Variants in OSBPL1A observed in about 807,000 individuals in gnomAD.
OSBPL1A encodes the protein oxysterol binding protein like 1A.
OSBPL1A carries 80 observed loss-of-function variants against 137.1 expected under a neutral mutation model. The ratio of observed to expected loss-of-function variants is 0.58; its 90% CI spans 0.49 to 0.70. OSBPL1A has a LOEUF of 0.70. Ranked by LOEUF, OSBPL1A falls within the 30% of genes least tolerant of loss-of-function variation. The pLI is 0.00. For missense variants in OSBPL1A, 970 were observed against 1,129.4 expected (o/e 0.86, Z 2.02); for synonymous variants, 365 against 389.7 (o/e 0.94, Z 0.75).
At chr18:24,201,280 G>C (rs893562907) in intron 17 of OSBPL1A, among the ~76,000 whole-genome samples, 1 of 152,106 alleles carries the variant, frequency 6.6e-6, no homozygotes, top group Non-Finnish European at 1.5e-5. Context: ...TGATGCAAAC[G>C]GCTCCGCCTG....
intron 13 of OSBPL1A, among the ~76,000 whole-genome samples, chr18:24,307,093 A>C (rs1599643868): frequency 3.3e-5 from 1 of 30,076 alleles, no homozygotes; most frequent in African/African-American, 2.3e-4. Flanking sequence ...TAATCTCTAC[A>C]AAAAAAAAAA....
At chr18:24,220,809 T>C (rs2087864889) in intron 17 of OSBPL1A, among the ~76,000 whole-genome samples, 1 of 151,944 alleles carries the variant, frequency 6.6e-6, no homozygotes, top group Non-Finnish European at 1.5e-5. Flanking sequence ...TGAGATTTTG[T>C]TTTGTTTTGG....
At chr18:24,345,242 G>C (rs2957245) in intron 4 of OSBPL1A, among the ~76,000 whole-genome samples, 2 of 152,218 alleles carry the variant, frequency 1.3e-5, no homozygotes, top group African/African-American at 2.4e-5. Context: ...TCCTCCCAGA[G>C]AAGTAGTCAG....
chr18:24,262,392 GT>G (rs34727119), intron 15 of OSBPL1A, among the ~76,000 whole-genome samples: 16 of 149,200 alleles, frequency 1.1e-4, no homozygotes, highest in South Asian at 4.2e-4. Context: ...AAAATAAATA[GT>G]TTTTTTTTTT....
intron 1 of OSBPL1A, among the ~76,000 whole-genome samples, chr18:24,397,348 T>C (rs189461248): frequency 1.3e-5 from 2 of 151,992 alleles, no homozygotes; most frequent in Admixed American, 6.5e-5. Context: ...GAAGATCTGG[T>C]AGGGGATGCA....
At chr18:24,219,228 G>C (rs2087809541) in intron 17 of OSBPL1A, among the ~76,000 whole-genome samples, 1 of 152,148 alleles carries the variant, frequency 6.6e-6, no homozygotes, top group African/African-American at 2.4e-5. Flanking sequence ...AGGAGGTTGA[G>C]GCTGCAGTAA....
At chr18:24,237,440 G>T (rs1012528141) in intron 16 of OSBPL1A, among the ~76,000 whole-genome samples, 43 of 152,082 alleles carry the variant, frequency 2.8e-4, no homozygotes, top group Non-Finnish European at 5.4e-4. Flanking sequence ...GAGCAGCTGG[G>T]ATTACAGGCA....
At chr18:24,282,221 T>G (rs941651815) in intron 14 of OSBPL1A, among the ~76,000 whole-genome samples, 1 of 152,036 alleles carries the variant, frequency 6.6e-6, no homozygotes, top group African/African-American at 2.4e-5. Context: ...GGGTAATGTT[T>G]AAGAAAAACA....
chr18:24,272,294 T>A, intron 15 of OSBPL1A: 1 of 979,616 alleles, frequency 1.0e-6, no homozygotes, highest in Non-Finnish European at 1.2e-6. Flanking sequence ...CTTGGGAAAC[T>A]CTGGAAAGCA....
chr18:24,346,485 A>T (rs1488195867), intron 4 of OSBPL1A, among the ~76,000 whole-genome samples: 2 of 152,068 alleles, frequency 1.3e-5, no homozygotes. Flanking sequence ...CCCTCCTCAT[A>T]ATCCCCTAGT....
Position 24,380,943 on chromosome 18 carries a change from AT to A in OSBPL1A, c.-2-3409del, listed in dbSNP as rs375260656. Among the ~76,000 whole-genome samples, 261 of 136,726 alleles carry A rather than the reference AT, an allele frequency of 1.9e-3. 2 individuals carry two copies. The highest frequency in any genetic ancestry group is 0.014 in the Middle Eastern group (4 of 288). 89.7% of individuals were successfully genotyped at this position (136,726 alleles called of 152,430 possible). ...CTCCAGCCCGGGCAATAAGAGCAAA[AT>A]TCCATCTCAAAAAAAAAAAAAAAAG... On this transcript the variant is annotated intron_variant, in intron 1 of 27. Coordinates refer to ENST00000319481, the MANE Select transcript of OSBPL1A (RefSeq NM_080597.4).
intron 16 of OSBPL1A, among the ~76,000 whole-genome samples, chr18:24,230,184 T>C (rs1427549040): frequency 6.6e-6 from 1 of 152,224 alleles, no homozygotes; most frequent in Non-Finnish European, 1.5e-5. Flanking sequence ...CATGTGCTGG[T>C]TGCAGTGCTC....
intron 20 of OSBPL1A, 44 bp from the exon 21 acceptor site, chr18:24,178,239 T>A: frequency 7.0e-7 from 1 of 1,434,088 alleles, no homozygotes; most frequent in Non-Finnish European, 9.4e-7. Flanking sequence ...AAAGCAACAT[T>A]ATAATTAACT....
intron 18 of OSBPL1A, among the ~76,000 whole-genome samples, chr18:24,188,083 T>C (rs1376849792): frequency 6.6e-6 from 1 of 152,196 alleles, no homozygotes; most frequent in African/African-American, 2.4e-5. Flanking sequence ...TTGTTTTTCC[T>C]GAAAAACACT....
intron 1 of OSBPL1A, among the ~76,000 whole-genome samples, chr18:24,392,586 T>C (rs1184348672): frequency 6.6e-6 from 1 of 152,260 alleles, no homozygotes; most frequent in Non-Finnish European, 1.5e-5. Context: ...CATTGTATGC[T>C]AGAAATTTGA....
intron 4 of OSBPL1A, among the ~76,000 whole-genome samples, chr18:24,360,324 A>C (rs76442485): frequency 0.067 from 10,244 of 152,238 alleles, 411 homozygotes; most frequent in Middle Eastern, 0.095. Flanking sequence ...AGTGCTTTAT[A>C]ATAAGCCAAA....
rs989126797 is a variant in OSBPL1A, at chr18:24,373,833, T to G, written c.121+3580A>C. On this transcript the variant is annotated intron_variant, in intron 2 of 27. Transcript: ENST00000319481. ...TCTTGCCCACCCCTCCCCACTCCCT[T>G]AAGAACTGCATATCATCTGACTATG... 2.6e-5 allele frequency among the ~76,000 whole-genome samples: 4 copies of G among 152,140 alleles called. No individual in the cohort carries two copies. The East Asian group carries it at 7.7e-4, about 29-fold the overall frequency.
intron 17 of OSBPL1A, among the ~76,000 whole-genome samples, chr18:24,204,270 G>T (rs114399774): frequency 0.011 from 1,604 of 152,202 alleles, 29 homozygotes; most frequent in African/African-American, 0.036. Flanking sequence ...ATTTTACTTT[G>T]TTTTTCCTTG....
chr18:24,200,246 T>G (rs2087177828), intron 17 of OSBPL1A, among the ~76,000 whole-genome samples: 1 of 152,182 alleles, frequency 6.6e-6, no homozygotes, highest in Non-Finnish European at 1.5e-5. Context: ...TGCTTCATTT[T>G]ACAACTGATG....
Sources: allele counts gnomAD v4.1 joint callset (sites outside exome capture counted in the v4.1 genomes callset), GRCh38; gene constraint gnomAD v4.1.1; transcripts MANE v1.5; gene names NCBI Gene and HGNC (gene_info 2026-07-23, HGNC 2026-07-21).